The following MYO1B variants were observed in gnomAD, a reference collection of about 807,000 sequenced individuals.
The protein encoded by MYO1B is unconventional myosin-Ib.
A neutral mutation model predicts 159.7 loss-of-function variants in MYO1B; 72 were observed. That is an observed-to-expected ratio of 0.45 (90% CI 0.37 to 0.55). MYO1B has a LOEUF of 0.55. Among genes scored for constraint, MYO1B ranks in the 20% least tolerant of loss-of-function variants. The pLI is 0.00. For synonymous variants in MYO1B, 468 were observed against 473.8 expected (o/e 0.99, Z 0.16); for missense variants, 1,062 against 1,364.8 (o/e 0.78, Z 3.50).
chr2:191,357,254 G>A (rs1693353282), intron 7 of MYO1B, among the ~76,000 whole-genome samples: 1 of 152,108 alleles, frequency 6.6e-6, no homozygotes, highest in African/African-American at 2.4e-5. Flanking sequence ...CTTGTGCCTT[G>A]GGGAGGCTGT....
intron 6 of MYO1B, among the ~76,000 whole-genome samples, chr2:191,347,597 T>G (rs974997774): frequency 6.6e-5 from 10 of 152,212 alleles, no homozygotes; most frequent in African/African-American, 2.4e-4. Context: ...TGAAATCTAG[T>G]GAAAGGCTTG....
In MYO1B at chr2:191,369,579, A is replaced by G; in HGVS notation, c.1070A>G (p.Tyr357Cys). 3 of 1,613,650 alleles carry G rather than the reference A, an allele frequency of 1.9e-6. No individual in the cohort carries two copies. Among genetic ancestry groups the G allele is most frequent in the Non-Finnish European group, 8.5e-7 (1 of 1,179,688 alleles). ...CGTGATGCTCTGGCTAAAAACCTCT[A>G]CAGCAGGTTGTTTTCATGGTTGGTA... ...YARDALAKNL[Y>C]SRLFSWLVNR... Residue 357 changes from tyrosine to cysteine, a missense_variant, in exon 12 of 31, where the codon TAC becomes TGC. Physicochemically the swap from Tyr to Cys is radical, Grantham distance 194. Coordinates refer to ENST00000392318, the MANE Select transcript of MYO1B (RefSeq NM_001130158.3).
chr2:191,363,924 A>G, intron 10 of MYO1B, 49 bp downstream of exon 10: 1 of 1,603,840 alleles, frequency 6.2e-7, no homozygotes, highest in Non-Finnish European at 8.5e-7. Context: ...CTTGCTTTGA[A>G]CTTCTCCCCA....
intron 24 of MYO1B, among the ~76,000 whole-genome samples, chr2:191,407,151 T>TA (rs1696967416): frequency 6.6e-6 from 1 of 152,256 alleles, no homozygotes; most frequent in Non-Finnish European, 1.5e-5. Flanking sequence ...TCTGAATTGT[T>TA]ATATTGAGTT....
chr2:191,369,720 AATTG>A, intron 12 of MYO1B, 92 bp downstream of exon 12: 1 of 906,014 alleles, frequency 1.1e-6, no homozygotes, highest in Non-Finnish European at 1.8e-6. Context: ...ATAATCAAAT[AATTG>A]ATTGCCACTT....
intron 13 of MYO1B, among the ~76,000 whole-genome samples, chr2:191,373,380 C>T (rs1326444218): frequency 6.6e-6 from 1 of 152,186 alleles, no homozygotes; most frequent in Non-Finnish European, 1.5e-5. Flanking sequence ...AGACCAAATG[C>T]TCTGTTAGAC....
At chr2:191,377,196 GAACA>G (rs1694766230) in intron 13 of MYO1B, among the ~76,000 whole-genome samples, 1 of 152,188 alleles carries the variant, frequency 6.6e-6, no homozygotes, top group Admixed American at 6.5e-5. Context: ...AAATAGCAGA[GAACA>G]GACACCTTGC....
chr2:191,291,483 C>T (rs747340322), intron 2 of MYO1B, among the ~76,000 whole-genome samples: 27 of 152,116 alleles, frequency 1.8e-4, no homozygotes, highest in Non-Finnish European at 3.1e-4. Flanking sequence ...CTTCTCTTCC[C>T]TCCCACATCT....
intron 1 of MYO1B, among the ~76,000 whole-genome samples, chr2:191,274,742 T>C (rs1247642588): frequency 2.0e-5 from 3 of 152,164 alleles, no homozygotes; most frequent in African/African-American, 7.2e-5. Flanking sequence ...ACTCTGGCTC[T>C]GGCTTCACCG....
chr2:191,398,950 C>T (rs1347734907), intron 21 of MYO1B, among the ~76,000 whole-genome samples: 1 of 152,206 alleles, frequency 6.6e-6, no homozygotes, highest in Non-Finnish European at 1.5e-5. Flanking sequence ...GCTGAGATCA[C>T]GCCACTGCAC....
At chr2:191,402,772 C>T in intron 24 of MYO1B, 54 bp downstream of exon 24, 1 of 1,329,422 alleles carries the variant, frequency 7.5e-7, no homozygotes, top group Non-Finnish European at 1.0e-6. Flanking sequence ...AAGCCTAGCA[C>T]CTACTAACCC....
At chr2:191,338,682 A>T (rs1574461689) in intron 4 of MYO1B, among the ~76,000 whole-genome samples, 1 of 152,200 alleles carries the variant, frequency 6.6e-6, no homozygotes, top group East Asian at 1.9e-4. Context: ...CTCTAAGTTC[A>T]TCCTGGACCA....
intron 17 of MYO1B, among the ~76,000 whole-genome samples, chr2:191,388,805 A>C (rs539744879): frequency 1.3e-5 from 2 of 152,210 alleles, no homozygotes; most frequent in South Asian, 4.2e-4. Flanking sequence ...TAACCATTAT[A>C]TATGCTTTAG....
chr2:191,326,055 A>AATGTGGT lies in MYO1B; in HGVS notation c.252-3878_252-3872dup, dbSNP rs1691042246. Among the ~76,000 whole-genome samples the AATGTGGT allele has an allele frequency of 7.2e-5, 11 of 152,278 alleles. No homozygotes were observed. In the South Asian group the frequency reaches 2.3e-3, roughly 32 times the overall value. On this transcript the variant is annotated intron_variant, in intron 3 of 30. Coordinates refer to ENST00000392318, the MANE Select transcript of MYO1B (RefSeq NM_001130158.3). ...AAGAAGAGGATAAAACCATGCCCTTAATGTGGTAGGACTAAAACTGTGTTT... is the reference window on the plus strand; with the variant it reads ...AAGAAGAGGATAAAACCATGCCCTTAATGTGGTATGTGGTAGGACTAAAACTGTGTTT...
intron 2 of MYO1B, among the ~76,000 whole-genome samples, chr2:191,288,490 C>G (rs1688513784): frequency 6.6e-6 from 1 of 152,102 alleles, no homozygotes; most frequent in Non-Finnish European, 1.5e-5. Context: ...CTCATTTAGC[C>G]AGGAATCACA....
chr2:191,245,656 C>G (rs1311895849), intron 1 of MYO1B, 30 bp downstream of exon 1: 1 of 152,202 alleles, frequency 6.6e-6, no homozygotes, highest in Non-Finnish European at 1.5e-5. Context: ...TCTCTCTCCC[C>G]TGCCCTTCCC....
intron 1 of MYO1B, among the ~76,000 whole-genome samples, chr2:191,256,782 G>C (rs1055142678): frequency 1.3e-5 from 2 of 152,192 alleles, no homozygotes; most frequent in African/African-American, 4.8e-5. Context: ...GAGAGAGTGA[G>C]AAGCCAGGGG....
chr2:191,323,106 A>G (rs977357605), intron 3 of MYO1B, among the ~76,000 whole-genome samples: 1 of 152,192 alleles, frequency 6.6e-6, no homozygotes, highest in Non-Finnish European at 1.5e-5. Context: ...GTAGATTGTC[A>G]TGGTGCTGGT....
intron 27 of MYO1B, among the ~76,000 whole-genome samples, chr2:191,411,634 T>G (rs1304047497): frequency 6.6e-6 from 1 of 152,194 alleles, no homozygotes; most frequent in Non-Finnish European, 1.5e-5. Flanking sequence ...ACTTTTTGAG[T>G]GTTGCTTGAG....
Sources: allele counts gnomAD v4.1 joint callset (sites outside exome capture counted in the v4.1 genomes callset), GRCh38; gene constraint gnomAD v4.1.1; transcripts MANE v1.5; gene names NCBI Gene and HGNC (gene_info 2026-07-23, HGNC 2026-07-21).